Variants in SEPTIN8 observed in about 807,000 individuals in gnomAD.
SEPTIN8 encodes septin-8.
A neutral mutation model predicts 53.1 loss-of-function variants in SEPTIN8; 22 were observed. The observed-to-expected ratio is 0.41, with a 90% CI of 0.30 to 0.59. The LOEUF is 0.59. SEPTIN8 is among the 20% of genes least tolerant of loss of function. The pLI, the probability that SEPTIN8 is intolerant of heterozygous loss-of-function variation, is 0.24. For synonymous variants in SEPTIN8, 228 were observed against 248.4 expected, an observed-to-expected ratio of 0.92 and a Z score of 0.77; for missense variants, 536 against 638.7, an observed-to-expected ratio of 0.84 and a Z score of 1.73.
At chr5:132,762,840 A>G (rs776375860) in intron 4 of SEPTIN8, among the ~76,000 whole-genome samples, 195 bp from the exon 5 acceptor site, 1 of 152,174 alleles carries the variant, frequency 6.6e-6, no homozygotes, top group Admixed American at 6.5e-5. Flanking sequence ...GATGAGTTTC[A>G]ACAATTGGCT....
rs371690570 is a variant in SEPTIN8, at chr5:132,763,825, G to A, written c.415C>T (p.Arg139Cys). 25 of 1,610,720 alleles carry A rather than the reference G, an allele frequency of 1.6e-5. No individual in the cohort carries two copies. Among genetic ancestry groups the A allele is most frequent in the East Asian group, 4.5e-5 (2 of 44,844 alleles). Residue 139 changes from arginine to cysteine, a missense_variant, in exon 4 of 10, where the codon CGC (arginine) becomes TGC (cysteine). By Grantham distance (180) the Arg-to-Cys change is radical. This residue lies in a region of SEPTIN8 where 395 missense variants were observed against 451.8 expected (regional missense o/e 0.87). Coordinates refer to ENST00000378719, the MANE Select transcript of SEPTIN8 (RefSeq NM_001098811.2). Reference sequence around the variant, plus strand: ...TCATGGTAGTCGAAGAGCGAGCGGCGGATCTTCAGCTCCTCCTGCAGATAA... The same window carrying A: ...TCATGGTAGTCGAAGAGCGAGCGGCAGATCTTCAGCTCCTCCTGCAGATAA... ...ENYLQEELKI[R>C]RSLFDYHDTR...
At position 132,751,002 on chromosome 5, in the gene SEPTIN8, G is replaced by A. The variant is rs769935355; in HGVS notation, c.*1014C>T. The A allele has an allele frequency of 2.5e-6, 4 of 1,612,028 alleles. No homozygotes were observed. In the East Asian group the frequency reaches 8.9e-5, roughly 36 times the overall value. The stretch of plus-strand genomic sequence containing the variant: ...CCGCTGGACTTCTTGACTATAGTGA[G>A]TAAGGAGGTGTTTACAGAGTCTACC... On this transcript the variant is annotated 3_prime_UTR_variant, in exon 10 of 10. Transcript: ENST00000378719.
In SEPTIN8 at chr5:132,776,214, T is replaced by A. The variant is rs980120519; in HGVS notation, c.30+894A>T. Among the ~76,000 whole-genome samples the A allele has an allele frequency of 1.3e-5, 2 of 151,450 alleles. No homozygotes were observed. Among genetic ancestry groups the A allele is most frequent in the African/African-American group, 4.9e-5 (2 of 41,176 alleles). Reference sequence around the variant, plus strand: ...CCTTCCAGCCGACCAGGGCCTTACATGCTGGCAAGAGGACACAGCTTCCTT... The same window carrying A: ...CCTTCCAGCCGACCAGGGCCTTACAAGCTGGCAAGAGGACACAGCTTCCTT... On this transcript the variant is annotated intron_variant, in intron 1 of 9. Coordinates refer to ENST00000378719, the MANE Select transcript of SEPTIN8 (RefSeq NM_001098811.2). The surrounding 1 kb of genome is among the most constrained non-coding windows in gnomAD (Gnocchi z 4.4).
At position 132,752,139 on chromosome 5, in the gene SEPTIN8, G is replaced by A. The variant is rs1261805576; in HGVS notation, c.1329C>T (p.Ser443=). 1.9e-6 allele frequency: 3 copies of A among 1,597,864 alleles called. No individual in the cohort carries two copies. The highest frequency in any genetic ancestry group is 8.5e-7 in the Non-Finnish European group (1 of 1,171,616). Residue 443 remains serine (S), a synonymous_variant, in exon 10 of 10, where the codon TCC becomes TCT. Transcript: ENST00000378719. ...IGAHQPGMSL[S]SSKVMMTKAS... Reference sequence around the variant, plus strand: ...CCTTGGTCATCATCACCTTAGAGCTGGAGAGGCTCATGCCCGGCTGGTGTG... The same window carrying A: ...CCTTGGTCATCATCACCTTAGAGCTAGAGAGGCTCATGCCCGGCTGGTGTG...
Position 132,750,966 on chromosome 5 carries a change from A to G in SEPTIN8, c.*1050T>C, listed in dbSNP as rs913173702. The G allele has an allele frequency of 1.9e-6, 3 of 1,614,082 alleles. No individual in the cohort carries two copies. Among genetic ancestry groups the G allele is most frequent in the African/African-American group, 2.7e-5 (2 of 74,938 alleles). ...CTGGACAGACTGCACTGGGACCTCT[A>G]TATTGGGACGCCGCTGGACTTCTTG... is the stretch of plus-strand genomic sequence containing the variant. On this transcript the variant is annotated 3_prime_UTR_variant, in exon 10 of 10. Coordinates refer to ENST00000378719, the MANE Select transcript of SEPTIN8 (RefSeq NM_001098811.2).
At chr5:132,779,979 ACT>A (rs1436383412), upstream of SEPTIN8, among the ~76,000 whole-genome samples, 2 of 152,028 alleles carry the variant, frequency 1.3e-5, no homozygotes, top group Admixed American at 6.6e-5. Context: ...GGCTTATGTG[ACT>A]CTCTACGCAC....
chr5:132,755,977 A>C, intron 9 of SEPTIN8: 2 of 985,322 alleles, frequency 2.0e-6, no homozygotes, highest in Non-Finnish European at 2.4e-6. Context: ...CAGAAAAGCT[A>C]CTGCCCAAAA....
upstream of SEPTIN8, chr5:132,777,713 G>A (rs1287102327): frequency 1.0e-6 from 1 of 985,424 alleles, no homozygotes; most frequent in Non-Finnish European, 1.2e-6. The surrounding 1 kb of genome is among the most constrained non-coding windows in gnomAD (Gnocchi z 4.1). Context: ...CGTCGGATCC[G>A]GGAGAGGCCG....
chr5:132,761,075 C>A lies in SEPTIN8; in HGVS notation c.1095+58G>T. On this transcript the variant is annotated intron_variant, in intron 8 of 9. Transcript: ENST00000378719. This position sits in a 1 kb window ranked among gnomAD's most constrained non-coding sequence, Gnocchi z 5.8. ...CCAGGAAGGCACCCCCACCTCTACC[C>A]TCAGCCAGGCCTTCCCTCCCTCAGC... 3.1e-6 allele frequency: 5 copies of A among 1,610,564 alleles called. No individual in the cohort carries two copies. The highest frequency in any genetic ancestry group is 4.2e-6 in the Non-Finnish European group (5 of 1,178,022).
Position 132,761,956 on chromosome 5 carries a change from C to G in SEPTIN8, c.697-60G>C. ...CTGACACAGACTAATGGCAGACTCTCCCTCCCTGCCCCTGGGTCCTAGGGA... is the reference window on the plus strand; with the variant it reads ...CTGACACAGACTAATGGCAGACTCTGCCTCCCTGCCCCTGGGTCCTAGGGA... On this transcript the variant is annotated intron_variant, in intron 5 of 9. Transcript: ENST00000378719. The surrounding 1 kb of genome is among the most constrained non-coding windows in gnomAD (Gnocchi z 5.8). 7.0e-7 allele frequency: 1 copy of G among 1,432,388 alleles called. No homozygotes were observed. The highest frequency in any genetic ancestry group is 9.5e-7 in the Non-Finnish European group (1 of 1,052,108). 88.7% of individuals were successfully genotyped at this position (1,432,388 alleles called of 1,614,324 possible). A position where few individuals can be genotyped will look rare whatever the true frequency, so the allele number is the denominator to read the frequency against.
intron 3 of SEPTIN8, 164 bp downstream of exon 3, chr5:132,764,060 G>A: frequency 1.1e-6 from 1 of 938,130 alleles, no homozygotes; most frequent in South Asian, 1.7e-5. Context: ...CCCTTCTCCA[G>A]ACACCTAAAG....
At chr5:132,754,586 G>A in intron 9 of SEPTIN8, 1 of 712,132 alleles carries the variant, frequency 1.4e-6, no homozygotes, top group Non-Finnish European at 2.6e-6. Context: ...CTTCTGCTCT[G>A]GCTTTCTATA....
At chr5:132,770,000 TATATATATATATATATATATATAC>T (rs1403617967) in intron 1 of SEPTIN8, among the ~76,000 whole-genome samples, 21 of 47,030 alleles carry the variant, frequency 4.5e-4, no homozygotes, top group Middle Eastern at 0.016. Flanking sequence ...TATATATATA[TATATATATATATATATATATATAC>T]ACACACATAT....
intron 9 of SEPTIN8, chr5:132,758,299 G>A (rs1561740749): frequency 3.0e-6 from 4 of 1,347,372 alleles, no homozygotes; most frequent in South Asian, 4.4e-5. Context: ...CTTGACGCTG[G>A]TGCCAAAATA....
chr5:132,769,982 CATATATATATATATATATATATATATAT>C (rs1164726534), intron 1 of SEPTIN8, among the ~76,000 whole-genome samples: 20 of 55,348 alleles, frequency 3.6e-4, no homozygotes, highest in African/African-American at 1.1e-3. Context: ...TCTATATATA[CATATATATATATATATATATATATATAT>C]ATATATATAT....
chr5:132,756,228 A>G, intron 9 of SEPTIN8: 1 of 985,450 alleles, frequency 1.0e-6, no homozygotes, highest in Non-Finnish European at 1.2e-6. Flanking sequence ...TGCAGTCAGT[A>G]ATGCACAATT....
chr5:132,752,144 G>A lies in SEPTIN8; in HGVS notation c.1324C>T (p.Leu442Phe). Residue 442 changes from leucine (L) to phenylalanine (F), a missense_variant, in exon 10 of 10, where the codon CTC becomes TTC. Physicochemically the swap from Leu to Phe is conservative, Grantham distance 22. Coordinates refer to ENST00000378719, the MANE Select transcript of SEPTIN8 (RefSeq NM_001098811.2). The part of the protein sequence containing the change: ...DIGAHQPGMS[L>F]SSSKVMMTKA... ...GTCATCATCACCTTAGAGCTGGAGA[G>A]GCTCATGCCCGGCTGGTGTGCTCCT... 6.3e-7 allele frequency: 1 copy of A among 1,597,160 alleles called. No individual in the cohort carries two copies. Among genetic ancestry groups the A allele is most frequent in the Non-Finnish European group, 8.5e-7 (1 of 1,171,102 alleles).
intron 1 of SEPTIN8, among the ~76,000 whole-genome samples, chr5:132,769,990 T>C (rs866413768): frequency 3.2e-5 from 1 of 31,304 alleles, no homozygotes; most frequent in African/African-American, 1.8e-4. Context: ...TACATATATA[T>C]ATATATATAT....
In SEPTIN8 at chr5:132,751,652, T is replaced by TA; in HGVS notation, c.*363_*364insT. 4.7e-6 allele frequency: 2 copies of TA among 425,240 alleles called. No individual in the cohort carries two copies. Among genetic ancestry groups the TA allele is most frequent in the Non-Finnish European group, 8.3e-6 (2 of 240,630 alleles). 26.3% of individuals were successfully genotyped at this position (425,240 alleles called of 1,614,324 possible). The stretch of plus-strand genomic sequence containing the variant: ...TATGATAAGCAGATACAAGTAACTT[T>TA]TCTGCTACCTTGGTCTTGAATAGTA... On this transcript the variant is annotated 3_prime_UTR_variant, in exon 10 of 10. Coordinates refer to ENST00000378719, the MANE Select transcript of SEPTIN8 (RefSeq NM_001098811.2).
Sources: allele counts gnomAD v4.1 joint callset (sites outside exome capture counted in the v4.1 genomes callset), GRCh38; gene constraint gnomAD v4.1.1; regional missense constraint gnomAD v4.1.1; non-coding constraint Gnocchi (gnomAD v3.1); transcripts MANE v1.5; gene names NCBI Gene and HGNC (gene_info 2026-07-23, HGNC 2026-07-21).